Variants in TNPO2 observed in about 807,000 individuals in gnomAD.
TNPO2 encodes the protein transportin 2, also known as transportin-2.
TNPO2 carries 16 observed loss-of-function variants against 111.1 expected under a neutral mutation model. The observed-to-expected ratio is 0.14, with a 90% confidence interval of 0.10 to 0.22. The LOEUF (loss-of-function observed/expected upper bound fraction) is 0.22. Ranked by LOEUF, TNPO2 falls within the 10% of genes least tolerant of loss-of-function variation. The pLI, the probability that TNPO2 is intolerant of heterozygous loss-of-function variation, is 1.00. For missense variants in TNPO2, 530 were observed against 1,173.7 expected (o/e 0.45, Z 8.01); for synonymous variants, 481 against 475.8 (o/e 1.01, Z -0.14).
intron 5 of TNPO2, among the ~76,000 whole-genome samples, chr19:12,717,242 G>A (rs566961694): frequency 6.6e-6 from 1 of 150,624 alleles, no homozygotes; most frequent in African/African-American, 2.5e-5. Context: ...TCCTAACTAA[G>A]GTTATCAGTA....
At position 12,719,510 on chromosome 19, in the gene TNPO2, A is replaced by G. The variant is rs2026550084; in HGVS notation, c.100-174T>C. Among the ~76,000 whole-genome samples, 2 of 152,074 alleles carry G rather than the reference A, an allele frequency of 1.3e-5. No homozygotes were observed. The highest frequency in any genetic ancestry group is 4.1e-4 in the South Asian group (2 of 4,822). On this transcript the variant is annotated intron_variant, in intron 3 of 25. Transcript: ENST00000425528. This position sits in a 1 kb window ranked among gnomAD's most constrained non-coding sequence, Gnocchi z 5.0. Reference sequence around the variant, plus strand: ...CACCTCAGACACGTCAAATTCATATAAGGGGCCGGGCGCGGTGGCTCACGC... The same window carrying G: ...CACCTCAGACACGTCAAATTCATATGAGGGGCCGGGCGCGGTGGCTCACGC...
rs965017454 is a variant in TNPO2 at position 12,701,292 on chromosome 19, G to T, written c.*20+34C>A. 7 of 1,466,194 alleles carry T rather than the reference G, an allele frequency of 4.8e-6. No homozygotes were observed. The Admixed American group carries it at 8.5e-5, about 18-fold the overall frequency. The allele number at this position is 1,466,194 out of a possible 1,614,324, so 90.8% of individuals were successfully genotyped here. ...TGGCCTGGGACCTTTCGGCCCCCAA[G>T]ACAGTGCTGACTTGCCAGCTGCAGT... On this transcript the variant is annotated intron_variant, in intron 25 of 25. Coordinates refer to ENST00000425528, the MANE Select transcript of TNPO2 (RefSeq NM_001382241.1). This position sits in a 1 kb window ranked among gnomAD's most constrained non-coding sequence, Gnocchi z 5.0.
At chr19:12,707,933 G>A (rs1045333812) in intron 13 of TNPO2, among the ~76,000 whole-genome samples, 2 of 151,946 alleles carry the variant, frequency 1.3e-5, no homozygotes, top group Non-Finnish European at 2.9e-5. Context: ...CAATTTTCCT[G>A]CCTCAACCTC....
At chr19:12,717,071 C>T (rs1022824753) in intron 5 of TNPO2, among the ~76,000 whole-genome samples, 11 of 152,038 alleles carry the variant, frequency 7.2e-5, no homozygotes, top group South Asian at 2.1e-4. Flanking sequence ...GTATTTGCTG[C>T]CATGAGATGG....
At chr19:12,718,232 C>G (rs1247369197) in intron 5 of TNPO2, among the ~76,000 whole-genome samples, 1 of 151,700 alleles carries the variant, frequency 6.6e-6, no homozygotes, top group African/African-American at 2.4e-5. Context: ...GTGGCGCCAT[C>G]TCGCCTCACT....
intron 5 of TNPO2, among the ~76,000 whole-genome samples, chr19:12,717,440 T>G (rs573975657): frequency 2.6e-5 from 4 of 151,224 alleles, no homozygotes; most frequent in Non-Finnish European, 5.9e-5. Context: ...CTCAGCAAAT[T>G]TTTGTATTTT....
At chr19:12,707,193 T>C (rs947195911) in intron 13 of TNPO2, among the ~76,000 whole-genome samples, 1 of 152,048 alleles carries the variant, frequency 6.6e-6, no homozygotes, top group African/African-American at 2.4e-5. Context: ...GAGACAGGGT[T>C]TTACCATGTT....
Position 12,701,355 on chromosome 19 carries a change from A to G in TNPO2, c.2685T>C (p.Tyr895=), listed in dbSNP as rs16978628. The G allele has an allele frequency of 0.038, 61,237 of 1,613,492 alleles. 10,207 individuals are homozygous for G. In the African/African-American group the frequency reaches 0.5, roughly 13 times the overall value. Residue 895 remains tyrosine (Y), a synonymous_variant, in exon 25 of 26, where the codon TAT becomes TAC. Coordinates refer to ENST00000425528, the MANE Select transcript of TNPO2 (RefSeq NM_001382241.1). This position sits in a 1 kb window ranked among gnomAD's most constrained non-coding sequence, Gnocchi z 5.0. ...CAGTCTCCATGATCACCTAGACCCC[A>G]TAGAAAGCCGCCAGCCTCTCCTTGA... is the stretch of plus-strand genomic sequence containing the variant. ...PLLKERLAAF[Y]GV
intron 20 of TNPO2, 80 bp downstream of exon 20, chr19:12,703,348 G>T: frequency 7.5e-7 from 1 of 1,324,668 alleles, no homozygotes; most frequent in Non-Finnish European, 1.1e-6. Flanking sequence ...GAAGGAAGCT[G>T]TCAGTCAGAG....
chr19:12,710,586 T>C, intron 13 of TNPO2, 35 bp downstream of exon 13: 1 of 1,607,396 alleles, frequency 6.2e-7, no homozygotes, highest in Non-Finnish European at 8.5e-7. Context: ...TACAGTCTCA[T>C]GCCAGCACAG....
In TNPO2 at chr19:12,701,727, G is replaced by C. The variant is rs1257409211; in HGVS notation, c.2511+25C>G. On this transcript the variant is annotated intron_variant, in intron 23 of 25. Coordinates refer to ENST00000425528, the MANE Select transcript of TNPO2 (RefSeq NM_001382241.1). This position sits in a 1 kb window ranked among gnomAD's most constrained non-coding sequence, Gnocchi z 5.0. ...CCGCCCGAGCCCAGCGCCCGCGCCT[G>C]CCCTCAGAGCCCAGCTGCCCCAACC... The C allele has an allele frequency of 1.1e-5, 18 of 1,612,908 alleles. No individual in the cohort carries two copies. Among genetic ancestry groups the C allele is most frequent in the African/African-American group, 2.7e-5 (2 of 74,912 alleles).
rs201975298 is a variant in TNPO2, at chr19:12,719,286, G to A, written c.150C>T (p.Phe50=). Reference sequence around the variant, plus strand: ...CTTCTGACTTGAGTCTGGTCAGGACGAAAATCAGGTAGTTGTTGAAGTCAG... The same window carrying A: ...CTTCTGACTTGAGTCTGGTCAGGACAAAAATCAGGTAGTTGTTGAAGTCAG... ...QFPDFNNYLI[F]VLTRLKSEDE... Residue 50 remains phenylalanine (F), a synonymous_variant, in exon 4 of 26, where the codon TTC becomes TTT. Coordinates refer to ENST00000425528, the MANE Select transcript of TNPO2 (RefSeq NM_001382241.1). The surrounding 1 kb of genome is among the most constrained non-coding windows in gnomAD (Gnocchi z 5.0). 60 of 1,613,972 alleles carry A rather than the reference G, an allele frequency of 3.7e-5. No individual in the cohort carries two copies. In the East Asian group the frequency reaches 1.2e-3, roughly 34 times the overall value.
At chr19:12,707,524 C>G (rs921654054) in intron 13 of TNPO2, among the ~76,000 whole-genome samples, 3 of 102,782 alleles carry the variant, frequency 2.9e-5, no homozygotes, top group African/African-American at 1.1e-4. Flanking sequence ...GAGTCTTGCT[C>G]TGTTGCCCAG....
intron 3 of TNPO2, 36 bp downstream of exon 3, chr19:12,720,843 C>T (rs991762493): frequency 2.3e-5 from 35 of 1,555,454 alleles, no homozygotes; most frequent in Non-Finnish European, 2.6e-5. Flanking sequence ...CACGCATCTA[C>T]CCGGCTCCCC....
chr19:12,716,815 C>T (rs73922289), intron 5 of TNPO2, among the ~76,000 whole-genome samples: 1,585 of 151,862 alleles, frequency 0.01, 32 homozygotes, highest in African/African-American at 0.037. Context: ...GTGAAGGAGG[C>T]GAGGGAGGAA....
chr19:12,704,864 G>A (rs770311638), intron 18 of TNPO2, among the ~76,000 whole-genome samples: 29 of 151,856 alleles, frequency 1.9e-4, no homozygotes, highest in Non-Finnish European at 2.4e-4. Context: ...TGTATTTTTC[G>A]TAGAGACAGG....
chr19:12,705,805 G>T lies in TNPO2; in HGVS notation c.1669-37C>A. 1 of 1,402,238 alleles carries T rather than the reference G, an allele frequency of 7.1e-7. No individual in the cohort carries two copies. Among genetic ancestry groups the T allele is most frequent in the Non-Finnish European group, 9.5e-7 (1 of 1,054,112 alleles). 86.9% of individuals were successfully genotyped at this position (1,402,238 alleles called of 1,614,324 possible). ...GCACGAAATGGGCGCTCCCTGGGTCGGGGTGGCAGACTGTGACTCAGGTAC... is the reference window on the plus strand; with the variant it reads ...GCACGAAATGGGCGCTCCCTGGGTCTGGGTGGCAGACTGTGACTCAGGTAC... On this transcript the variant is annotated intron_variant, in intron 15 of 25. Coordinates refer to ENST00000425528, the MANE Select transcript of TNPO2 (RefSeq NM_001382241.1). This position sits in a 1 kb window ranked among gnomAD's most constrained non-coding sequence, Gnocchi z 7.2.
chr19:12,710,688 G>A lies in TNPO2; in HGVS notation c.1203C>T (p.Gly401=). The change falls in exon 13 of 26, where the codon GGC becomes GGT. Residue 401 remains glycine, a synonymous_variant. Coordinates refer to ENST00000425528, the MANE Select transcript of TNPO2 (RefSeq NM_001382241.1). The stretch of plus-strand genomic sequence containing the variant: ...CCACCCACTCGGGGTGGAAGAGGAG[G>A]CCTTTGAGTAGTGGGAGTAGGTGGG... ...LLPHLLPLLK[G]LLFHPEWVVK... 1.2e-6 allele frequency: 2 copies of A among 1,613,608 alleles called. No homozygotes were observed. The highest frequency in any genetic ancestry group is 2.2e-5 in the South Asian group (2 of 91,006).
chr19:12,719,041 G>A lies in TNPO2; in HGVS notation c.313C>T (p.Arg105Ter). Residue 105 changes from arginine to a stop codon, truncating the protein, a stop_gained, in exon 5 of 26, where the codon CGA (arginine) becomes TGA (stop). Transcript: ENST00000425528. LOFTEE classifies it high-confidence loss of function. The surrounding 1 kb of genome is among the most constrained non-coding windows in gnomAD (Gnocchi z 5.0). ...CTGCCCCTCTCACCAATGGTGGCTC[G>A]GATGAGCGAGGAGGCATCGCCAATG... is the stretch of plus-strand genomic sequence containing the variant. ...NNIGDASSLI[R>*]ATIGILITTI... The A allele has an allele frequency of 6.2e-7, 1 of 1,613,724 alleles. No individual in the cohort carries two copies. Among genetic ancestry groups the A allele is most frequent in the Non-Finnish European group, 8.5e-7 (1 of 1,179,872 alleles).
Sources: allele counts gnomAD v4.1 joint callset (sites outside exome capture counted in the v4.1 genomes callset), GRCh38; gene constraint gnomAD v4.1.1; non-coding constraint Gnocchi (gnomAD v3.1); transcripts MANE v1.5; gene names NCBI Gene and HGNC (gene_info 2026-07-23, HGNC 2026-07-21).